Variants in TMEM117 observed in about 807,000 individuals in gnomAD.
The protein encoded by TMEM117 is transmembrane protein 117.
In TMEM117, 27 loss-of-function variants were observed where a neutral mutation model predicts 52.4. The observed-to-expected ratio is 0.51, with a 90% CI of 0.38 to 0.71. TMEM117 has a LOEUF of 0.71. Ranked by LOEUF, TMEM117 falls within the 30% of genes least tolerant of loss-of-function variation. TMEM117 has a pLI of 0.00. For missense variants in TMEM117, 556 were observed against 630.5 expected (o/e 0.88, Z 1.26); for synonymous variants, 215 against 206.3 (o/e 1.04, Z -0.36).
chr12:44,076,523 T>C (rs116612625), intron 3 of TMEM117, among the ~76,000 whole-genome samples: 3,187 of 152,270 alleles, frequency 0.021, 65 homozygotes, highest in Middle Eastern at 0.075. Flanking sequence ...CATATCTTGC[T>C]CACACCTCCC....
At chr12:44,389,818 C>T (rs757875897), downstream of TMEM117, 2 of 151,984 alleles carry the variant, frequency 1.3e-5, no homozygotes, top group Non-Finnish European at 2.9e-5. Context: ...AGTCCATTTA[C>T]ATGGGGTTTT....
At chr12:43,942,600 A>G (rs946763968) in intron 2 of TMEM117, among the ~76,000 whole-genome samples, 6 of 151,786 alleles carry the variant, frequency 4.0e-5, no homozygotes, top group African/African-American at 1.5e-4. Flanking sequence ...GGCATGATGT[A>G]ACCAAATCTC....
At chr12:43,862,985 C>CA (rs150742617) in intron 2 of TMEM117, among the ~76,000 whole-genome samples, 17,645 of 151,426 alleles carry the variant, frequency 0.12, 1,309 homozygotes, top group East Asian at 0.21. Flanking sequence ...AACAAACAAA[C>CA]AAAAAAACCA....
In TMEM117 at chr12:43,983,562, G is replaced by A. The variant is rs949556229; in HGVS notation, c.410+39220G>A. ...TTGCACCAACCGTGTGTGTGTGTGT[G>A]TGTGTGTGTGTGTGTGTGTGTGTGT... On this transcript the variant is annotated intron_variant, in intron 3 of 7. Coordinates refer to ENST00000266534, the MANE Select transcript of TMEM117 (RefSeq NM_032256.3). Among the ~76,000 whole-genome samples, 21 of 145,614 alleles carry A rather than the reference G, an allele frequency of 1.4e-4. 1 individual carries two copies. The highest frequency in any genetic ancestry group is 5.4e-4 in the African/African-American group (20 of 37,256).
chr12:44,184,121 G>A (rs947424689), intron 4 of TMEM117, among the ~76,000 whole-genome samples: 10 of 152,064 alleles, frequency 6.6e-5, no homozygotes, highest in African/African-American at 1.9e-4. Context: ...TGAGGCGGGC[G>A]GATCACTTGA....
At chr12:44,374,709 T>C (rs1951917203) in intron 6 of TMEM117, among the ~76,000 whole-genome samples, 1 of 151,922 alleles carries the variant, frequency 6.6e-6, no homozygotes, top group Admixed American at 6.6e-5. Context: ...TAGAGATTGC[T>C]TTCAAACTAA....
intron 3 of TMEM117, among the ~76,000 whole-genome samples, chr12:44,011,880 T>G (rs1290103605): frequency 6.6e-6 from 1 of 152,192 alleles, no homozygotes; most frequent in East Asian, 1.9e-4. Context: ...CTATATACAT[T>G]TATAGCATAT....
intron 6 of TMEM117, among the ~76,000 whole-genome samples, chr12:44,336,554 T>G (rs2138738931): frequency 6.6e-6 from 1 of 152,128 alleles, no homozygotes; most frequent in South Asian, 2.1e-4. Flanking sequence ...GACATTTTAC[T>G]GATTTTTAGT....
chr12:43,818,144 CT>C, the TMEM117 span, among the ~76,000 whole-genome samples: 1 of 152,072 alleles, frequency 6.6e-6, no homozygotes, highest in Non-Finnish European at 1.5e-5. Flanking sequence ...GATTTTTCCC[CT>C]CTCCATGCAC....
chr12:43,846,940 T>C (rs1476087119), intron 2 of TMEM117, among the ~76,000 whole-genome samples: 1 of 152,236 alleles, frequency 6.6e-6, no homozygotes, highest in Admixed American at 6.5e-5. Context: ...ATATATAAGA[T>C]GTACATATTT....
intron 4 of TMEM117, among the ~76,000 whole-genome samples, chr12:44,200,032 C>A (rs999408299): frequency 1.1e-4 from 17 of 152,166 alleles, no homozygotes; most frequent in Middle Eastern, 3.4e-3. Flanking sequence ...AGAGGAGAAT[C>A]GGCTTGAACC....
At chr12:43,807,072 G>A in the TMEM117 span, among the ~76,000 whole-genome samples, 2 of 152,062 alleles carry the variant, frequency 1.3e-5, no homozygotes, top group East Asian at 3.9e-4. Flanking sequence ...TTCCTTTCCT[G>A]CTTTTACAAA....
At chr12:43,879,187 A>G (rs1188852728) in intron 2 of TMEM117, among the ~76,000 whole-genome samples, 1 of 152,206 alleles carries the variant, frequency 6.6e-6, no homozygotes, top group Non-Finnish European at 1.5e-5. Flanking sequence ...AAATCAAACT[A>G]TAATTTTGAC....
At chr12:43,814,386 C>T in the TMEM117 span, among the ~76,000 whole-genome samples, 1 of 152,090 alleles carries the variant, frequency 6.6e-6, no homozygotes, top group East Asian at 1.9e-4. Flanking sequence ...TCTTCCCTAC[C>T]ATCCTTCTAA....
chr12:44,075,189 G>A (rs1947362616), intron 3 of TMEM117, among the ~76,000 whole-genome samples: 1 of 152,160 alleles, frequency 6.6e-6, no homozygotes, highest in African/African-American at 2.4e-5. Context: ...CTTAGGTTTT[G>A]GCCAAGACTG....
chr12:44,257,564 A>G (rs903101016), intron 5 of TMEM117, among the ~76,000 whole-genome samples: 1 of 152,128 alleles, frequency 6.6e-6, no homozygotes, highest in East Asian at 1.9e-4. Flanking sequence ...TTTCTCCTCT[A>G]CATAAAACCT....
intron 4 of TMEM117, among the ~76,000 whole-genome samples, chr12:44,208,056 C>T (rs1396164084): frequency 6.6e-6 from 1 of 152,092 alleles, no homozygotes; most frequent in Non-Finnish European, 1.5e-5. Context: ...GTATAACTCT[C>T]ATCATTGCTA....
rs570667926 is a variant in TMEM117 at position 43,874,896 on chromosome 12, C to T, written c.277+29968C>T. ...AGTAATGGGGATATCAAATTAGATC[C>T]GCAGGGATGAAGTGAGGCCAGGGTC... On this transcript the variant is annotated intron_variant, in intron 2 of 7. Transcript: ENST00000266534. Among the ~76,000 whole-genome samples, 9 of 152,234 alleles carry T rather than the reference C, an allele frequency of 5.9e-5. 1 individual carries two copies. The highest frequency in any genetic ancestry group is 1.9e-4 in the African/African-American group (8 of 41,532).
At chr12:44,291,538 T>C (rs573241987) in intron 5 of TMEM117, among the ~76,000 whole-genome samples, 1 of 152,136 alleles carries the variant, frequency 6.6e-6, no homozygotes, top group South Asian at 2.1e-4. Context: ...CCATGTTAAA[T>C]AGAAATGATG....
Sources: allele counts gnomAD v4.1 joint callset (sites outside exome capture counted in the v4.1 genomes callset), GRCh38; gene constraint gnomAD v4.1.1; transcripts MANE v1.5; gene names NCBI Gene and HGNC (gene_info 2026-07-23, HGNC 2026-07-21).